Variants in ITGA8 observed in about 807,000 individuals in gnomAD.
ITGA8 encodes the protein integrin alpha-8.
In ITGA8, 91 loss-of-function variants were observed where a neutral mutation model predicts 142.3. The observed-to-expected ratio is 0.64, with a 90% CI of 0.54 to 0.76. The LOEUF (loss-of-function observed/expected upper bound fraction) is 0.76. ITGA8 is among the 30% of genes least tolerant of loss of function. The pLI is 0.00. For missense variants in ITGA8, 1,406 were observed against 1,327.7 expected, an observed-to-expected ratio of 1.06 and a Z score of -0.92; for synonymous variants, 505 against 485.2, an observed-to-expected ratio of 1.04 and a Z score of -0.54.
chr10:15,560,873 A>G (rs1833962157), intron 25 of ITGA8, among the ~76,000 whole-genome samples: 1 of 152,104 alleles, frequency 6.6e-6, no homozygotes, highest in Non-Finnish European at 1.5e-5. Context: ...TAGGTATGAT[A>G]ATAATGTTGT....
chr10:15,611,426 CT>C (rs1833291144), intron 15 of ITGA8: 1 of 151,704 alleles, frequency 6.6e-6, no homozygotes, highest in South Asian at 2.1e-4. Flanking sequence ...AAGAAAATGG[CT>C]CATGAAAAGA....
At chr10:15,597,942 T>C (rs1263705772) in intron 20 of ITGA8, among the ~76,000 whole-genome samples, 3 of 152,152 alleles carry the variant, frequency 2.0e-5, no homozygotes, top group Non-Finnish European at 4.4e-5. Context: ...CTGGACAAAT[T>C]CTCAAGGTTG....
intron 21 of ITGA8, among the ~76,000 whole-genome samples, chr10:15,595,072 G>T (rs1382609433): frequency 6.6e-6 from 1 of 152,058 alleles, no homozygotes; most frequent in Non-Finnish European, 1.5e-5. Flanking sequence ...TTTGCAACTT[G>T]TTATGAATCT....
chr10:15,634,173 T>G (rs1246381814), intron 13 of ITGA8, among the ~76,000 whole-genome samples: 1 of 152,192 alleles, frequency 6.6e-6, no homozygotes, highest in Admixed American at 6.5e-5. Context: ...TTTTAACTGT[T>G]TCATTATTTT....
intron 22 of ITGA8, among the ~76,000 whole-genome samples, chr10:15,590,378 A>G (rs562201346): frequency 6.6e-5 from 10 of 152,316 alleles, no homozygotes; most frequent in Admixed American, 5.2e-4. Flanking sequence ...TGCTTCTTAG[A>G]TGAACTAGTA....
At chr10:15,712,312 C>T (rs187744292) in intron 2 of ITGA8, among the ~76,000 whole-genome samples, 1 of 152,136 alleles carries the variant, frequency 6.6e-6, no homozygotes, top group African/African-American at 2.4e-5. Flanking sequence ...CTGGGTGTGG[C>T]GGCTCATGCC....
intron 27 of ITGA8, among the ~76,000 whole-genome samples, chr10:15,546,514 T>C (rs1428763443): frequency 6.6e-6 from 1 of 152,192 alleles, no homozygotes; most frequent in African/African-American, 2.4e-5. Flanking sequence ...CTGGAGAGAA[T>C]TTTGGTTGTC....
chr10:15,683,986 G>A lies in ITGA8; in HGVS notation c.568+18C>T, dbSNP rs199650231. The A allele has an allele frequency of 1.7e-5, 27 of 1,613,720 alleles. No homozygotes were observed. The East Asian group carries it at 5.8e-4, about 35-fold the overall frequency. On this transcript the variant is annotated intron_variant, in intron 4 of 29. Transcript: ENST00000378076. ...GCACTTGAGCTAATGTCAGTTTCAA[G>A]GAATAAAAGTTGCTTACTGTTCCGG... is the stretch of plus-strand genomic sequence containing the variant.
chr10:15,563,387 A>G (rs540491318), intron 25 of ITGA8, among the ~76,000 whole-genome samples: 1 of 152,252 alleles, frequency 6.6e-6, no homozygotes, highest in South Asian at 2.1e-4. Flanking sequence ...AAATTCTCTC[A>G]TATGTTTTCT....
At chr10:15,677,978 C>G (rs1370978326) in intron 5 of ITGA8, among the ~76,000 whole-genome samples, 1 of 152,044 alleles carries the variant, frequency 6.6e-6, no homozygotes. Context: ...GTCTTTTGAG[C>G]CTTCGTGATA....
chr10:15,666,947 G>A lies in ITGA8; in HGVS notation c.847+4656C>T, dbSNP rs554764238. Reference sequence around the variant, plus strand: ...GTACTTTATTGAGGATTTTTGCATCGATGTTCATCAAGGATATTGGTCTAA... The same window carrying A: ...GTACTTTATTGAGGATTTTTGCATCAATGTTCATCAAGGATATTGGTCTAA... On this transcript the variant is annotated intron_variant, in intron 8 of 29. Coordinates refer to ENST00000378076, the MANE Select transcript of ITGA8 (RefSeq NM_003638.3). 2.3e-3 allele frequency among the ~76,000 whole-genome samples: 357 copies of A among 152,214 alleles called. 2 individuals carry two copies. Among genetic ancestry groups the A allele is most frequent in the Non-Finnish European group, 3.4e-3 (232 of 68,018 alleles).
chr10:15,644,487 T>G (rs1833940110), intron 12 of ITGA8, among the ~76,000 whole-genome samples: 3 of 19,726 alleles, frequency 1.5e-4, no homozygotes, highest in African/African-American at 2.8e-4. Context: ...TATATATATA[T>G]ATATAGAATT....
At chr10:15,601,937 G>A (rs1245334113) in intron 20 of ITGA8, among the ~76,000 whole-genome samples, 1 of 152,216 alleles carries the variant, frequency 6.6e-6, no homozygotes, top group East Asian at 1.9e-4. Context: ...CAAAGACTGA[G>A]TGAAGTCTCT....
At chr10:15,590,950 T>C (rs763381151) in intron 22 of ITGA8, among the ~76,000 whole-genome samples, 12 of 152,106 alleles carry the variant, frequency 7.9e-5, no homozygotes, top group Non-Finnish European at 1.5e-4. Flanking sequence ...TATACAAAGT[T>C]TGGGGTGGGA....
chr10:15,719,437 C>A (rs1046277018), intron 1 of ITGA8, 126 bp downstream of exon 1: 1 of 786,980 alleles, frequency 1.3e-6, no homozygotes, highest in East Asian at 3.3e-5. Context: ...GGGAGAGGGA[C>A]GGGACCCCGG....
chr10:15,616,223 A>G (rs894641062), intron 14 of ITGA8, among the ~76,000 whole-genome samples: 1 of 152,258 alleles, frequency 6.6e-6, no homozygotes, highest in African/African-American at 2.4e-5. Context: ...CAAAGCAAAG[A>G]GAATAAATCA....
chr10:15,617,714 C>T (rs1185648230), intron 13 of ITGA8, among the ~76,000 whole-genome samples: 4 of 152,112 alleles, frequency 2.6e-5, no homozygotes, highest in Non-Finnish European at 2.9e-5. Flanking sequence ...TTCTTAATCT[C>T]ATTTACAGTG....
chr10:15,617,967 C>G (rs1408595692), intron 13 of ITGA8, among the ~76,000 whole-genome samples: 1 of 152,144 alleles, frequency 6.6e-6, no homozygotes, highest in Non-Finnish European at 1.5e-5. Context: ...CCTAAGTGAA[C>G]TCAGAAACAG....
At position 15,604,278 on chromosome 10, in the gene ITGA8, G is replaced by C. The variant is rs747219638; in HGVS notation, c.2048C>G (p.Ala683Gly). 3 of 1,612,694 alleles carry C rather than the reference G, an allele frequency of 1.9e-6. No individual in the cohort carries two copies. The highest frequency in any genetic ancestry group is 2.5e-6 in the Non-Finnish European group (3 of 1,178,958). The change falls in exon 20 of 30, where the codon GCA becomes GGA. Residue 683 changes from alanine (A) to glycine (G), a missense_variant. By Grantham distance (60) the Ala-to-Gly change is moderately conservative. Coordinates refer to ENST00000378076, the MANE Select transcript of ITGA8 (RefSeq NM_003638.3). ...IINARNEGEG[A>G]YEAELFVMIP... ...CATTACAAAGAGTTCAGCTTCATAT[G>C]CTCCTTCCCCTTCATTTCTTGCATT... is the stretch of plus-strand genomic sequence containing the variant.
Sources: gnomAD v4.1 joint callset for allele counts (sites outside exome capture counted in the v4.1 genomes callset) on GRCh38, gnomAD v4.1.1 for gene constraint, MANE v1.5 for transcripts, NCBI Gene and HGNC (gene_info 2026-07-23, HGNC 2026-07-21) for gene names.